OCLN: variants seen among roughly 807,000 people sequenced by gnomAD.
OCLN encodes occludin.
In OCLN, 21 loss-of-function variants were observed where a neutral mutation model predicts 47.9. The observed-to-expected ratio is 0.44, with a 90% CI of 0.31 to 0.63. OCLN has a LOEUF of 0.63. OCLN is among the 30% of genes least tolerant of loss of function. The pLI, the probability that OCLN is intolerant of heterozygous loss-of-function variation, is 0.08. For missense variants in OCLN, 360 were observed against 571.0 expected, an observed-to-expected ratio of 0.63 and a Z score of 3.77; for synonymous variants, 117 against 198.4, an observed-to-expected ratio of 0.59 and a Z score of 3.45.
intron 1 of OCLN, among the ~76,000 whole-genome samples, chr5:69,503,326 G>T (rs1430460098): frequency 1.3e-5 from 2 of 152,128 alleles, no homozygotes; most frequent in Non-Finnish European, 2.9e-5. Flanking sequence ...CTACCTGAAG[G>T]AAGTGAGACA....
At chr5:69,549,360 A>G (rs901407748) in intron 7 of OCLN, among the ~76,000 whole-genome samples, 5 of 148,938 alleles carry the variant, frequency 3.4e-5, no homozygotes, top group Admixed American at 2.0e-4. Context: ...AAAAAAAAAA[A>G]AAAGAACTTA....
Position 69,509,763 on chromosome 5 carries a change from A to G in OCLN, c.673A>G (p.Thr225Ala), listed in dbSNP as rs1349922288. Reference sequence around the variant, plus strand: ...CAACCAATTTTATACACCTGCAGCTACTGGACTCTACGTGGATCAGTATTT... The same window carrying G: ...CAACCAATTTTATACACCTGCAGCTGCTGGACTCTACGTGGATCAGTATTT... ...LCNQFYTPAA[T>A]GLYVDQYLYH... The change falls in exon 3 of 9, where the codon ACT (threonine) becomes GCT (alanine). Residue 225 changes from threonine to alanine, a missense_variant. This residue lies in a region of OCLN where 314 missense variants were observed against 368.1 expected (regional missense o/e 0.85). Coordinates refer to ENST00000396442, the MANE Select transcript of OCLN (RefSeq NM_001205254.2). The G allele has an allele frequency of 7.4e-6, 12 of 1,613,958 alleles. No individual in the cohort carries two copies. Among genetic ancestry groups the G allele is most frequent in the African/African-American group, 1.3e-5 (1 of 74,912 alleles).
At chr5:69,498,922 G>T (rs908110441) in intron 1 of OCLN, among the ~76,000 whole-genome samples, 1 of 151,974 alleles carries the variant, frequency 6.6e-6, no homozygotes, top group South Asian at 2.1e-4. Context: ...CAAGTGATCC[G>T]CCCGTCTTGG....
chr5:69,536,585 C>T (rs1441646568), intron 5 of OCLN, among the ~76,000 whole-genome samples: 2 of 139,344 alleles, frequency 1.4e-5, no homozygotes, highest in East Asian at 4.2e-4. Flanking sequence ...GCAGGAGAAT[C>T]ACTTGAACCT....
At chr5:69,514,673 C>T (rs1768878686) in intron 4 of OCLN, among the ~76,000 whole-genome samples, 1 of 152,144 alleles carries the variant, frequency 6.6e-6, no homozygotes, top group Non-Finnish European at 1.5e-5. Context: ...ACCCTGCGGC[C>T]TTCTGCAGTG....
At chr5:69,492,706 C>A (rs1768169877), upstream of OCLN, 1 of 152,666 alleles carries the variant, frequency 6.6e-6, no homozygotes, top group African/African-American at 2.4e-5. Context: ...CCCCCTTCCA[C>A]GTTGGTGCGC....
chr5:69,505,334 G>C (rs1311443189), intron 2 of OCLN, among the ~76,000 whole-genome samples: 2 of 152,146 alleles, frequency 1.3e-5, no homozygotes, highest in Non-Finnish European at 2.9e-5. Context: ...AGAATGGATA[G>C]TTTAATGGTT....
chr5:69,553,656 TAGAC>T lies in OCLN; in HGVS notation c.1558_1561del (p.Gln520LysfsTer13), dbSNP rs772938690. On this transcript the variant is annotated frameshift_variant, in exon 9 of 9. Transcript: ENST00000396442. LOFTEE classifies it high-confidence loss of function. Reference sequence around the variant, plus strand: ...TCAAGAAGATGGTTGGAGACTATGATAGACAGAAAACATAGAAGGCTGATGCCAA... The same window carrying T: ...TCAAGAAGATGGTTGGAGACTATGATAGAAAACATAGAAGGCTGATGCCAA... The T allele has an allele frequency of 6.2e-7, 1 of 1,613,776 alleles. No individual in the cohort carries two copies. The highest frequency in any genetic ancestry group is 8.5e-7 in the Non-Finnish European group (1 of 1,179,944).
intron 4 of OCLN, among the ~76,000 whole-genome samples, chr5:69,531,344 TAAGGA>T (rs1769427554): frequency 6.6e-6 from 1 of 151,858 alleles, no homozygotes. Context: ...GAAACCCAAT[TAAGGA>T]ATAGCTGGCA....
chr5:69,532,157 T>C (rs542887656), intron 4 of OCLN, among the ~76,000 whole-genome samples: 1 of 152,346 alleles, frequency 6.6e-6, no homozygotes, highest in East Asian at 1.9e-4. Context: ...TTTTTTTCTT[T>C]TTCAGATGAA....
chr5:69,508,451 G>A (rs569334803), intron 2 of OCLN, among the ~76,000 whole-genome samples: 14 of 151,942 alleles, frequency 9.2e-5, no homozygotes, highest in African/African-American at 2.7e-4. Context: ...AGCAATTCTC[G>A]TGCCTCAGCC....
In OCLN at chr5:69,545,114, G is replaced by A. The variant is rs754431353; in HGVS notation, c.1248G>A (p.Trp416Ter). Reference protein sequence around the residue: ...GESCDELEEDWIREYPPITSD... With the variant: ...GESCDELEED ...CCTGTGATGAGCTGGAGGAGGACTG[G>A]ATCAGGTACCGACTCAGCTCTCCTT... is the stretch of plus-strand genomic sequence containing the variant. Residue 416 changes from tryptophan (W) to a stop codon, truncating the protein, a stop_gained, in exon 6 of 9, where the codon TGG (tryptophan) becomes TGA (stop). Coordinates refer to ENST00000396442, the MANE Select transcript of OCLN (RefSeq NM_001205254.2). LOFTEE classifies it high-confidence loss of function. 1 of 1,613,734 alleles carries A rather than the reference G, an allele frequency of 6.2e-7. No individual in the cohort carries two copies. The highest frequency in any genetic ancestry group is 8.5e-7 in the Non-Finnish European group (1 of 1,179,816).
rs560325579 is a variant in OCLN at position 69,525,693 on chromosome 5, T to A, written c.892-9001T>A. ...TTATGGGGTAAAGGTCAACTTTTTA[T>A]GAGGCATAGTCCTGAGGAAGTATAG... On this transcript the variant is annotated intron_variant, in intron 4 of 8. Coordinates refer to ENST00000396442, the MANE Select transcript of OCLN (RefSeq NM_001205254.2). 1.1e-4 allele frequency among the ~76,000 whole-genome samples: 16 copies of A among 152,318 alleles called. No homozygotes were observed. The East Asian group carries it at 1.2e-3, about 11-fold the overall frequency.
chr5:69,514,334 GA>G (rs1038031479), intron 4 of OCLN, among the ~76,000 whole-genome samples: 1 of 152,076 alleles, frequency 6.6e-6, no homozygotes, highest in African/African-American at 2.4e-5. Context: ...TCTTGGTTTT[GA>G]AAAGAAATGG....
intron 7 of OCLN, among the ~76,000 whole-genome samples, chr5:69,550,478 C>T (rs545304669): frequency 6.6e-6 from 1 of 151,728 alleles, no homozygotes; most frequent in East Asian, 1.9e-4. Context: ...GTGTGTGAGC[C>T]ACAGTGCCCA....
At chr5:69,517,668 AT>A (rs1018760490) in intron 4 of OCLN, among the ~76,000 whole-genome samples, 1 of 152,038 alleles carries the variant, frequency 6.6e-6, no homozygotes, top group African/African-American at 2.4e-5. Context: ...GATAGATGAA[AT>A]TTTTTTCTGG....
intron 1 of OCLN, among the ~76,000 whole-genome samples, chr5:69,502,787 T>A (rs1768496401): frequency 6.6e-6 from 1 of 152,184 alleles, no homozygotes; most frequent in Admixed American, 6.5e-5. Context: ...CTTGTCTTTT[T>A]CCTGGAGAGC....
At chr5:69,537,034 C>G (rs1291384176) in intron 5 of OCLN, among the ~76,000 whole-genome samples, 2 of 148,388 alleles carry the variant, frequency 1.3e-5, no homozygotes, top group Non-Finnish European at 3.0e-5. Context: ...GTGGTGCACA[C>G]CAGCAGTCCC....
intron 3 of OCLN, among the ~76,000 whole-genome samples, chr5:69,512,519 GCTA>G (rs1298433641): frequency 6.6e-6 from 1 of 152,080 alleles, no homozygotes; most frequent in East Asian, 1.9e-4. Flanking sequence ...GACTGTTTTG[GCTA>G]GATTCTGGAT....
Sources: allele counts gnomAD v4.1 joint callset (sites outside exome capture counted in the v4.1 genomes callset), GRCh38; gene constraint gnomAD v4.1.1; regional missense constraint gnomAD v4.1.1; transcripts MANE v1.5; gene names NCBI Gene and HGNC (gene_info 2026-07-23, HGNC 2026-07-21).